Variants in SMARCA4 observed in about 807,000 individuals in gnomAD.
SMARCA4 encodes the protein SWI/SNF-related matrix-associated actin-dependent regulator of chromatin subfamily A member 4.
SMARCA4 carries 31 observed loss-of-function variants against 193.9 expected under a neutral mutation model. The ratio of observed to expected loss-of-function variants is 0.16; its 90% CI spans 0.12 to 0.22. SMARCA4 has a LOEUF of 0.22. Ranked by LOEUF, SMARCA4 falls within the 10% of genes least tolerant of loss-of-function variation. The pLI, the probability that SMARCA4 is intolerant of heterozygous loss-of-function variation, is 1.00. For missense variants in SMARCA4, 1,148 were observed against 2,296.0 expected (o/e 0.50, Z 10.22); for synonymous variants, 942 against 933.1 (o/e 1.01, Z -0.17).
At chr19:11,043,260 G>C (rs1422021025) in intron 30 of SMARCA4, among the ~76,000 whole-genome samples, 1 of 152,124 alleles carries the variant, frequency 6.6e-6, no homozygotes, top group Non-Finnish European at 1.5e-5. Flanking sequence ...GTGCACTCCA[G>C]CCTGGGGGAC....
intron 1 of SMARCA4, among the ~76,000 whole-genome samples, chr19:10,968,172 G>C (rs2084387146): frequency 6.6e-6 from 1 of 152,184 alleles, no homozygotes; most frequent in Non-Finnish European, 1.5e-5. Context: ...ATTTTTAGTA[G>C]AGACGGGGTT....
chr19:10,988,798 C>T (rs914124785), intron 6 of SMARCA4, among the ~76,000 whole-genome samples: 1 of 152,052 alleles, frequency 6.6e-6, no homozygotes. Context: ...GTGCTAAGGC[C>T]CTGCACTTAA....
rs2076870694 is a variant in SMARCA4 at position 11,061,207 on chromosome 19, ATATATATATAT to A, written c.4912-576_4912-566del. 7.9e-5 allele frequency among the ~76,000 whole-genome samples: 3 copies of A among 37,898 alleles called. 1 individual carries two copies. The highest frequency in any genetic ancestry group is 8.3e-4 in the South Asian group (1 of 1,198). The allele number at this position is 37,898 out of a possible 152,430, so 24.9% of individuals were successfully genotyped here. On this transcript the variant is annotated intron_variant, in intron 34 of 34. Coordinates refer to ENST00000344626, the MANE Select transcript of SMARCA4 (RefSeq NM_003072.5). ...TGTCTTTAAAAAAAAAAAAAAAAAT[ATATATATATAT>A]ATATATATATATATATATATATATG...
At chr19:11,049,540 A>G (rs1299327006) in intron 30 of SMARCA4, among the ~76,000 whole-genome samples, 4 of 147,584 alleles carry the variant, frequency 2.7e-5, no homozygotes, top group Non-Finnish European at 4.4e-5. Context: ...GCTGGAGTGC[A>G]GTGGCACAGT....
Position 11,041,269 on chromosome 19 carries a change from G to A in SMARCA4, c.4171-38G>A, listed in dbSNP as rs1435052385. The A allele has an allele frequency of 3.2e-6, 5 of 1,579,010 alleles. No homozygotes were observed. In the African/African-American group the frequency reaches 6.7e-5, roughly 21 times the overall value. On this transcript the variant is annotated intron_variant, in intron 29 of 34. Transcript: ENST00000344626. This position sits in a 1 kb window ranked among gnomAD's most constrained non-coding sequence, Gnocchi z 5.6. ...TCGCGGCCTCTGCTTGTCGACCTGG[G>A]TGCTGGCTGTCCTATTTTACTACTA... is the stretch of plus-strand genomic sequence containing the variant.
intron 11 of SMARCA4, among the ~76,000 whole-genome samples, chr19:11,000,012 G>A (rs2087475623): frequency 6.6e-6 from 1 of 151,934 alleles, no homozygotes; most frequent in Admixed American, 6.6e-5. Flanking sequence ...GATCACCTAA[G>A]GTCAAGAGTT....
At chr19:10,974,580 C>T (rs552031601) in intron 1 of SMARCA4, among the ~76,000 whole-genome samples, 14 of 144,870 alleles carry the variant, frequency 9.7e-5, no homozygotes, top group African/African-American at 2.8e-4. Flanking sequence ...TTCCTCATCA[C>T]ATGCCATCAG....
intron 34 of SMARCA4, among the ~76,000 whole-genome samples, chr19:11,060,976 C>T (rs1003158986): frequency 2.6e-5 from 4 of 152,054 alleles, no homozygotes; most frequent in African/African-American, 9.7e-5. Context: ...GATGCTGTCT[C>T]TCTTGCCTAA....
chr19:11,051,606 T>G (rs1471371466), intron 30 of SMARCA4, among the ~76,000 whole-genome samples: 3 of 151,966 alleles, frequency 2.0e-5, no homozygotes, highest in Non-Finnish European at 4.4e-5. Context: ...TTCTCCTGTT[T>G]CAGCCTCCCG....
At chr19:10,967,877 T>A (rs1051795236) in intron 1 of SMARCA4, among the ~76,000 whole-genome samples, 17 of 150,474 alleles carry the variant, frequency 1.1e-4, no homozygotes, top group African/African-American at 3.9e-4. Context: ...TAATTTTTAT[T>A]TATTTATTTA....
rs878854220 is a variant in SMARCA4 at position 11,034,997 on chromosome 19, G to A, written c.4035G>A (p.Ser1345=). Residue 1345 remains serine (S), a synonymous_variant, in exon 29 of 35, where the codon TCG becomes TCA. Transcript: ENST00000344626. This position sits in a 1 kb window ranked among gnomAD's most constrained non-coding sequence, Gnocchi z 7.0. ...PRLMEEDELP[S]WIIKDDAEVE... ...TCATGGAGGAGGACGAGCTCCCCTC[G>A]TGGATCATCAAGGACGACGCGGAGG... 1.7e-5 allele frequency: 28 copies of A among 1,610,686 alleles called. No individual in the cohort carries two copies. The highest frequency in any genetic ancestry group is 2.2e-5 in the East Asian group (1 of 44,778).
At chr19:11,014,185 G>A (rs964166166) in intron 16 of SMARCA4, among the ~76,000 whole-genome samples, 9 of 152,246 alleles carry the variant, frequency 5.9e-5, no homozygotes, top group Admixed American at 1.3e-4. Context: ...AGTCAGCAGC[G>A]GACCCCCAAC....
Position 11,041,103 on chromosome 19 carries a change from T to C in SMARCA4, c.4171-204T>C. Reference sequence around the variant, plus strand: ...AGACAAGCTTGGGTGGGGTGCCTGCTGGGGGCAGTGCTGGTCTTTCACTGC... The same window carrying C: ...AGACAAGCTTGGGTGGGGTGCCTGCCGGGGGCAGTGCTGGTCTTTCACTGC... On this transcript the variant is annotated intron_variant, in intron 29 of 34. Transcript: ENST00000344626. This position sits in a 1 kb window ranked among gnomAD's most constrained non-coding sequence, Gnocchi z 5.6. 3.4e-6 allele frequency: 2 copies of C among 581,472 alleles called. No homozygotes were observed. Among genetic ancestry groups the C allele is most frequent in the South Asian group, 4.8e-5 (2 of 41,976 alleles). The allele number at this position is 581,472 out of a possible 1,614,324, so 36.0% of individuals were successfully genotyped here.
chr19:10,963,144 G>A (rs1210572556), intron 1 of SMARCA4, among the ~76,000 whole-genome samples: 1 of 151,838 alleles, frequency 6.6e-6, no homozygotes, highest in Non-Finnish European at 1.5e-5. Context: ...AGGCTGAGGC[G>A]GGAAAATTGC....
chr19:11,052,610 C>T (rs533501142), intron 30 of SMARCA4, among the ~76,000 whole-genome samples: 1 of 152,342 alleles, frequency 6.6e-6, no homozygotes, highest in South Asian at 2.1e-4. Context: ...TGATTTCTGC[C>T]TCTTCAGAAA....
chr19:10,994,564 C>T (rs1019993919), intron 8 of SMARCA4, among the ~76,000 whole-genome samples: 37 of 151,794 alleles, frequency 2.4e-4, no homozygotes, highest in Non-Finnish European at 4.1e-4. Context: ...ATGATCCGCC[C>T]GCCTCAGCCT....
chr19:10,962,514 A>G (rs2083890761), intron 1 of SMARCA4, among the ~76,000 whole-genome samples: 1 of 151,944 alleles, frequency 6.6e-6, no homozygotes. Context: ...TGCTTGGAAG[A>G]GGGGGCCTCA....
chr19:10,995,999 T>C, intron 9 of SMARCA4: 4 of 639,532 alleles, frequency 6.3e-6, no homozygotes, highest in South Asian at 3.3e-5. Flanking sequence ...CTGGCGGGAC[T>C]GTCTGCCTAG....
At chr19:11,012,795 G>A in intron 15 of SMARCA4, 154 bp from the exon 16 acceptor site, 1 of 719,602 alleles carries the variant, frequency 1.4e-6, no homozygotes, top group Non-Finnish European at 2.5e-6. Context: ...AATCAGTTTG[G>A]TTCAGAGGAA....
Sources: gnomAD v4.1 joint callset for allele counts (sites outside exome capture counted in the v4.1 genomes callset) on GRCh38, gnomAD v4.1.1 for gene constraint, Gnocchi (gnomAD v3.1) non-coding constraint, MANE v1.5 for transcripts, NCBI Gene and HGNC (gene_info 2026-07-23, HGNC 2026-07-21) for gene names.